Variants in NUDT19 observed in about 807,000 individuals in gnomAD.
NUDT19 encodes acyl-coenzyme A diphosphatase NUDT19.
NUDT19 carries 31 observed loss-of-function variants against 22.2 expected under a neutral mutation model. That is an observed-to-expected ratio of 1.40 (90% CI 1.05 to 1.89). NUDT19 has a LOEUF of 1.89. Ranked by LOEUF, NUDT19 falls within the 40% of genes most tolerant of loss-of-function variation. The pLI is 0.00. For missense variants in NUDT19, 752 were observed against 514.2 expected, an observed-to-expected ratio of 1.46 and a Z score of -4.47; for synonymous variants, 325 against 230.8, an observed-to-expected ratio of 1.41 and a Z score of -3.70.
chr19:32,691,997 C>A lies in NUDT19; in HGVS notation c.37C>A (p.Arg13=), dbSNP rs1318567902. The change falls in exon 1 of 3, where the codon CGG becomes AGG. Residue 13 remains arginine, a synonymous_variant. Coordinates refer to ENST00000397061, the MANE Select transcript of NUDT19 (RefSeq NM_001105570.2). ...CCTGCGGCCGGGCCCCAGCCGCTGG[C>A]GGCGGGCGGCCAGCATCGTCCTGGC... ...SSLRPGPSRW[R]RAASIVLAAG... 6 of 1,235,728 alleles carry A rather than the reference C, an allele frequency of 4.9e-6. No individual in the cohort carries two copies. Among genetic ancestry groups the A allele is most frequent in the Admixed American group, 8.5e-5 (2 of 23,538 alleles). The allele number at this position is 1,235,728 out of a possible 1,614,324, so 76.5% of individuals were successfully genotyped here.
Position 32,692,310 on chromosome 19 carries a change from C to A in NUDT19, c.350C>A (p.Thr117Lys). The change falls in exon 1 of 3, where the codon ACG becomes AAG. Residue 117 changes from threonine to lysine, a missense_variant. Coordinates refer to ENST00000397061, the MANE Select transcript of NUDT19 (RefSeq NM_001105570.2). ...TDDHKTDNTG[T>K]LPEDVAFRIC... ...GACCACAAGACCGACAACACTGGGA[C>A]GCTGCCTGAGGACGTAGCCTTCCGC... is the stretch of plus-strand genomic sequence containing the variant. 6.3e-7 allele frequency: 1 copy of A among 1,593,036 alleles called. No homozygotes were observed. Among genetic ancestry groups the A allele is most frequent in the Non-Finnish European group, 8.5e-7 (1 of 1,177,712 alleles).
At chr19:32,707,496 G>A (rs1968398664) in intron 1 of NUDT19, among the ~76,000 whole-genome samples, 1 of 152,150 alleles carries the variant, frequency 6.6e-6, no homozygotes, top group Non-Finnish European at 1.5e-5. Context: ...AGGGCTTGGG[G>A]GCGAGAATCA....
intron 2 of NUDT19, among the ~76,000 whole-genome samples, chr19:32,710,710 A>G (rs886572873): frequency 6.6e-6 from 1 of 151,998 alleles, no homozygotes; most frequent in Non-Finnish European, 1.5e-5. Flanking sequence ...CCTGACCAAC[A>G]TGGAGAAATC....
chr19:32,692,431 C>T lies in NUDT19; in HGVS notation c.471C>T (p.Ala157=), dbSNP rs759377189. The T allele has an allele frequency of 2.6e-6, 4 of 1,551,024 alleles. No individual in the cohort carries two copies. The highest frequency in any genetic ancestry group is 3.5e-6 in the Non-Finnish European group (4 of 1,155,076). Residue 157 remains alanine (A), a synonymous_variant, in exon 1 of 3, where the codon GCC becomes GCT. Transcript: ENST00000397061. ...GCCCAGCACCCGGGCCTGGCCTCGC[C>T]CTGGAGCCACCGCCGGGCCTGGCCT... ...PPGPAPGPGL[A]LEPPPGLASW... is the part of the protein sequence containing the mutation.
intron 1 of NUDT19, among the ~76,000 whole-genome samples, chr19:32,698,130 A>G (rs1968287070): frequency 6.6e-6 from 1 of 152,152 alleles, no homozygotes; most frequent in African/African-American, 2.4e-5. Flanking sequence ...ATACTTGGGT[A>G]TTCTCCTTCA....
intron 1 of NUDT19, among the ~76,000 whole-genome samples, chr19:32,696,166 C>T (rs1411551328): frequency 6.6e-6 from 1 of 152,210 alleles, no homozygotes; most frequent in Non-Finnish European, 1.5e-5. Flanking sequence ...CATGTATGCA[C>T]TTGAAGCACT....
At chr19:32,699,760 G>A (rs1385336337) in intron 1 of NUDT19, among the ~76,000 whole-genome samples, 1 of 152,182 alleles carries the variant, frequency 6.6e-6, no homozygotes, top group Non-Finnish European at 1.5e-5. Flanking sequence ...TGGGTTCTTG[G>A]TTTCGCTGAC....
intron 1 of NUDT19, among the ~76,000 whole-genome samples, chr19:32,708,040 C>T (rs1231245683): frequency 1.3e-5 from 2 of 150,678 alleles, no homozygotes; most frequent in Admixed American, 6.6e-5. Flanking sequence ...GTTCCAGCTA[C>T]TTGGGAGGCT....
In NUDT19 at chr19:32,691,826, C is replaced by G. The variant is rs1441219296; in HGVS notation, c.-135C>G. On this transcript the variant is annotated 5_prime_UTR_variant, in exon 1 of 3. Coordinates refer to ENST00000397061, the MANE Select transcript of NUDT19 (RefSeq NM_001105570.2). ...GGCAGGCGCCGTTGCCGACCAAACG[C>G]CCAGGTTCACCCAACGCCAGAGGCT... 3 of 450,314 alleles carry G rather than the reference C, an allele frequency of 6.7e-6. No individual in the cohort carries two copies. The highest frequency in any genetic ancestry group is 1.0e-5 in the Non-Finnish European group (3 of 288,778). 27.9% of individuals were successfully genotyped at this position (450,314 alleles called of 1,614,324 possible).
chr19:32,691,924 A>G lies in NUDT19; in HGVS notation c.-37A>G. ...GGCCGGGCCACCTGCCGTGGAGCTC[A>G]GGCCGCGCCAGAATCGGATCCGGGA... On this transcript the variant is annotated 5_prime_UTR_variant, in exon 1 of 3. Coordinates refer to ENST00000397061, the MANE Select transcript of NUDT19 (RefSeq NM_001105570.2). 8.5e-7 allele frequency: 1 copy of G among 1,172,264 alleles called. No homozygotes were observed. 72.6% of individuals were successfully genotyped at this position (1,172,264 alleles called of 1,614,324 possible).
At position 32,712,124 on chromosome 19, in the gene NUDT19, G is replaced by C. The variant is rs1460553070; in HGVS notation, c.*167G>C. On this transcript the variant is annotated 3_prime_UTR_variant, in exon 3 of 3. Coordinates refer to ENST00000397061, the MANE Select transcript of NUDT19 (RefSeq NM_001105570.2). ...GAGTCTCAATCTGTCGCCCAGGCTG[G>C]AGTGCAGTGGCATGATATAGGCTCA... 1.7e-6 allele frequency: 1 copy of C among 593,640 alleles called. No homozygotes were observed. Among genetic ancestry groups the C allele is most frequent in the Non-Finnish European group, 3.0e-6 (1 of 335,914 alleles). The allele number at this position is 593,640 out of a possible 1,614,324, so 36.8% of individuals were successfully genotyped here.
intron 1 of NUDT19, among the ~76,000 whole-genome samples, chr19:32,696,165 A>G (rs1723711300): frequency 6.6e-6 from 1 of 152,200 alleles, no homozygotes; most frequent in South Asian, 2.1e-4. Flanking sequence ...ACATGTATGC[A>G]CTTGAAGCAC....
chr19:32,698,276 G>T (rs898586854), intron 1 of NUDT19, among the ~76,000 whole-genome samples: 1 of 152,114 alleles, frequency 6.6e-6, no homozygotes, highest in Non-Finnish European at 1.5e-5. Flanking sequence ...AGAGAAATTG[G>T]GGCCAGGCTG....
rs764257348 is a variant in NUDT19, at chr19:32,692,178, C to T, written c.218C>T (p.Ser73Leu). 2.6e-6 allele frequency: 4 copies of T among 1,548,868 alleles called. No homozygotes were observed. The highest frequency in any genetic ancestry group is 3.5e-6 in the Non-Finnish European group (4 of 1,158,374). ...SGGVLDAADR[S>L]ADWLGLFAPH... ...GGAGTGCTGGATGCGGCCGACCGCT[C>T]GGCGGACTGGCTGGGCCTCTTCGCG... Residue 73 changes from serine to leucine, a missense_variant, in exon 1 of 3, where the codon TCG becomes TTG. By Grantham distance (145) the Ser-to-Leu change is moderately radical. Transcript: ENST00000397061.
At chr19:32,696,355 A>G (rs1348134295) in intron 1 of NUDT19, among the ~76,000 whole-genome samples, 1 of 151,134 alleles carries the variant, frequency 6.6e-6, no homozygotes, top group Non-Finnish European at 1.5e-5. Context: ...ACCCCTAAAC[A>G]GTTAGTCTAG....
chr19:32,703,905 C>A (rs1255479778), intron 1 of NUDT19, among the ~76,000 whole-genome samples: 1 of 151,960 alleles, frequency 6.6e-6, no homozygotes, highest in Non-Finnish European at 1.5e-5. Context: ...TCAGGTGATC[C>A]ACCCAGCTGG....
chr19:32,693,390 G>A (rs973093940), intron 1 of NUDT19, among the ~76,000 whole-genome samples: 3 of 152,216 alleles, frequency 2.0e-5, no homozygotes, highest in African/African-American at 7.2e-5. Flanking sequence ...GCTGGCTTCA[G>A]GAGCGAAGCT....
At chr19:32,705,438 AAAAC>A (rs1968378264) in intron 1 of NUDT19, among the ~76,000 whole-genome samples, 1 of 152,072 alleles carries the variant, frequency 6.6e-6, no homozygotes, top group African/African-American at 2.4e-5. Flanking sequence ...AAAAAAAAGA[AAAAC>A]AAAAAGAGAG....
At chr19:32,693,425 A>G (rs902283441) in intron 1 of NUDT19, among the ~76,000 whole-genome samples, 23 of 152,132 alleles carry the variant, frequency 1.5e-4, no homozygotes, top group African/African-American at 5.6e-4. Context: ...TCAGTGTTAC[A>G]GCTTATAAAG....
Sources: allele counts gnomAD v4.1 joint callset (sites outside exome capture counted in the v4.1 genomes callset), GRCh38; gene constraint gnomAD v4.1.1; transcripts MANE v1.5; gene names NCBI Gene and HGNC (gene_info 2026-07-23, HGNC 2026-07-21).